The following AGAP1 variants were observed in gnomAD, a reference collection of about 807,000 sequenced individuals.
The protein encoded by AGAP1 is ArfGAP with GTPase domain, ankyrin repeat and PH domain 1, also known as arf-GAP with GTPase, ANK repeat and PH domain-containing protein 1.
Under a neutral mutation model 105.3 loss-of-function variants are expected in AGAP1, and 29 were observed. The ratio of observed to expected loss-of-function variants is 0.28; its 90% CI spans 0.21 to 0.38. The LOEUF (loss-of-function observed/expected upper bound fraction) is 0.38. Among genes scored for constraint, AGAP1 ranks in the 10% least tolerant of loss-of-function variants. The pLI is 1.00. For missense variants in AGAP1, 998 were observed against 1,165.1 expected, an observed-to-expected ratio of 0.86 and a Z score of 2.09; for synonymous variants, 509 against 485.9, an observed-to-expected ratio of 1.05 and a Z score of -0.63.
At chr2:235,763,158 C>A (rs1417542710) in intron 6 of AGAP1, among the ~76,000 whole-genome samples, 1 of 151,986 alleles carries the variant, frequency 6.6e-6, no homozygotes, top group Non-Finnish European at 1.5e-5. Context: ...GTGGAGCATC[C>A]CTAATCTGAA....
At chr2:235,749,044 C>T (rs1953203929) in intron 5 of AGAP1, among the ~76,000 whole-genome samples, 1 of 152,040 alleles carries the variant, frequency 6.6e-6, no homozygotes, top group South Asian at 2.1e-4. Context: ...CCCGTGTCGA[C>T]TAAAAATACA....
In AGAP1 at chr2:235,739,694, G is replaced by A. The variant is rs554965908; in HGVS notation, c.311-1269G>A. On this transcript the variant is annotated intron_variant, in intron 3 of 17. Coordinates refer to ENST00000304032, the MANE Select transcript of AGAP1 (RefSeq NM_001037131.3). The surrounding 1 kb of genome is among the most constrained non-coding windows in gnomAD (Gnocchi z 5.3). The stretch of plus-strand genomic sequence containing the variant: ...GCATGGCAGGAGCTCGCGGGAACGG[G>A]CCAACGCCCCACTGCCCCAGTCAGC... Among the ~76,000 whole-genome samples, 2 of 152,258 alleles carry A rather than the reference G, an allele frequency of 1.3e-5. No homozygotes were observed. Among genetic ancestry groups the A allele is most frequent in the Non-Finnish European group, 2.9e-5 (2 of 68,052 alleles).
chr2:235,687,914 T>TTC (rs1949545132), intron 1 of AGAP1, among the ~76,000 whole-genome samples: 1 of 140,188 alleles, frequency 7.1e-6, no homozygotes, highest in South Asian at 2.3e-4. Context: ...TTTTTTTTTT[T>TTC]TTTTTGAGAT....
Position 235,845,297 on chromosome 2 carries a change from A to T in AGAP1, c.1050+37966A>T. Among the ~76,000 whole-genome samples the T allele has an allele frequency of 6.6e-6, 1 of 152,252 alleles. No individual in the cohort carries two copies. The highest frequency in any genetic ancestry group is 1.9e-4 in the East Asian group (1 of 5,170). ...AGTCTAGAGGCTGAGTCTGTAACTA[A>T]TCCAGCTCAGACCACATGTATGGTG... On this transcript the variant is annotated intron_variant, in intron 9 of 17. Transcript: ENST00000304032. The surrounding 1 kb of genome is among the most constrained non-coding windows in gnomAD (Gnocchi z 4.8).
At chr2:235,828,872 G>A (rs959916300) in intron 9 of AGAP1, among the ~76,000 whole-genome samples, 1 of 152,218 alleles carries the variant, frequency 6.6e-6, no homozygotes, top group African/African-American at 2.4e-5. Flanking sequence ...TGCAATGGAT[G>A]CTCCGAGAAA....
In AGAP1 at chr2:235,786,163, A is replaced by G. The variant is rs1241527075; in HGVS notation, c.674-11596A>G. Among the ~76,000 whole-genome samples the G allele has an allele frequency of 2.0e-5, 3 of 152,206 alleles. No homozygotes were observed. The East Asian group carries it at 5.8e-4, about 29-fold the overall frequency. The stretch of plus-strand genomic sequence containing the variant: ...GATCCTTGCCTGCCATCTAAATTGT[A>G]TTGCCAATTTACTGGGATATTCACT... On this transcript the variant is annotated intron_variant, in intron 6 of 17. Transcript: ENST00000304032.
rs1951186306 is a variant in AGAP1, at chr2:235,717,655, T to C, written c.310+11T>C. ...AGGAGTCTCCGGAAGGTATGCTGTT[T>C]GGCAGGCAGTTGCAAACTTAAGAAT... is the stretch of plus-strand genomic sequence containing the variant. On this transcript the variant is annotated intron_variant, in intron 3 of 17. Transcript: ENST00000304032. 6.3e-7 allele frequency: 1 copy of C among 1,594,386 alleles called. No individual in the cohort carries two copies. The highest frequency in any genetic ancestry group is 1.4e-5 in the African/African-American group (1 of 73,864).
At chr2:235,509,910 CT>C (rs1310715503) in intron 1 of AGAP1, among the ~76,000 whole-genome samples, 2 of 152,126 alleles carry the variant, frequency 1.3e-5, no homozygotes, top group African/African-American at 4.8e-5. Flanking sequence ...GTGTTACCCC[CT>C]GAGCTCCACT....
intron 1 of AGAP1, among the ~76,000 whole-genome samples, chr2:235,679,561 C>T (rs1368199680): frequency 6.6e-6 from 1 of 152,180 alleles, no homozygotes. Context: ...TTGGCTTAAT[C>T]CCCTTCCCAC....
At chr2:236,004,877 A>G (rs949862248) in intron 13 of AGAP1, among the ~76,000 whole-genome samples, 62 of 152,194 alleles carry the variant, frequency 4.1e-4, no homozygotes, top group Admixed American at 3.9e-3. Context: ...TTTTCTCTGT[A>G]TGTACTCCAA....
chr2:236,002,521 G>T lies in AGAP1; in HGVS notation c.1645+33898G>T, dbSNP rs991464312. On this transcript the variant is annotated intron_variant, in intron 13 of 17. Transcript: ENST00000304032. The surrounding 1 kb of genome is among the most constrained non-coding windows in gnomAD (Gnocchi z 4.3). ...AACAAATATGTTAACAAGTAATGTTGCTCCCTCTCATGAGGGGGTCACTGG... is the reference window on the plus strand; with the variant it reads ...AACAAATATGTTAACAAGTAATGTTTCTCCCTCTCATGAGGGGGTCACTGG... 5.7e-4 allele frequency among the ~76,000 whole-genome samples: 87 copies of T among 152,172 alleles called. 2 individuals are homozygous for T. Among genetic ancestry groups the T allele is most frequent in the Non-Finnish European group, 5.9e-5 (4 of 68,034 alleles).
intron 2 of AGAP1, among the ~76,000 whole-genome samples, chr2:235,715,085 C>G (rs1428738304): frequency 6.6e-6 from 1 of 152,230 alleles, no homozygotes; most frequent in Non-Finnish European, 1.5e-5. Flanking sequence ...GCGTGAGCCA[C>G]CGTGCCCAGC....
chr2:235,702,639 G>A (rs1215389481), intron 1 of AGAP1, among the ~76,000 whole-genome samples: 5 of 152,168 alleles, frequency 3.3e-5, no homozygotes, highest in Non-Finnish European at 7.3e-5. Context: ...ATATCACATG[G>A]ATGACTTTTT....
rs772255429 is a variant in AGAP1 at position 236,123,926 on chromosome 2, T to C, written c.2378T>C (p.Val793Ala). 2 of 1,612,148 alleles carry C rather than the reference T, an allele frequency of 1.2e-6. No homozygotes were observed. The highest frequency in any genetic ancestry group is 2.2e-5 in the South Asian group (2 of 90,958). The change falls in exon 18 of 18, where the codon GTG (valine) becomes GCG (alanine). Residue 793 changes from valine (V) to alanine (A), a missense_variant. Transcript: ENST00000304032. The surrounding 1 kb of genome is among the most constrained non-coding windows in gnomAD (Gnocchi z 4.6). Reference protein sequence around the residue: ...VLAQLLIWYGVDVTARDAHGN... With the variant: ...VLAQLLIWYGADVTARDAHGN... ...GCTCCCTTACCTCCGCAGTACGGAG[T>C]GGACGTCACGGCCCGAGATGCCCAC...
At chr2:236,106,029 C>T (rs917474375) in intron 16 of AGAP1, among the ~76,000 whole-genome samples, 1 of 152,200 alleles carries the variant, frequency 6.6e-6, no homozygotes, top group Non-Finnish European at 1.5e-5. Flanking sequence ...ACTGACTTTC[C>T]GGAGCACACA....
At chr2:235,825,956 C>G (rs1002028864) in intron 9 of AGAP1, among the ~76,000 whole-genome samples, 2 of 152,020 alleles carry the variant, frequency 1.3e-5, no homozygotes, top group African/African-American at 2.4e-5. Context: ...TGTATCAAAA[C>G]ATCTCATGTG....
rs1209696673 is a variant in AGAP1, at chr2:236,012,052, C to G, written c.1646-24509C>G. Among the ~76,000 whole-genome samples the G allele has an allele frequency of 6.6e-6, 1 of 152,124 alleles. No individual in the cohort carries two copies. The highest frequency in any genetic ancestry group is 1.5e-5 in the Non-Finnish European group (1 of 68,022). On this transcript the variant is annotated intron_variant, in intron 13 of 17. Transcript: ENST00000304032. The surrounding 1 kb of genome is among the most constrained non-coding windows in gnomAD (Gnocchi z 4.9). ...CAATCAATGCCCCCGGAGACCGATGCACATATCAGGACCTTGGTATCAGCT... is the reference window on the plus strand; with the variant it reads ...CAATCAATGCCCCCGGAGACCGATGGACATATCAGGACCTTGGTATCAGCT...
Position 235,734,641 on chromosome 2 carries a change from T to A in AGAP1, c.311-6322T>A, listed in dbSNP as rs1952140857. Among the ~76,000 whole-genome samples, 1 of 152,064 alleles carries A rather than the reference T, an allele frequency of 6.6e-6. No individual in the cohort carries two copies. Among genetic ancestry groups the A allele is most frequent in the South Asian group, 2.1e-4 (1 of 4,818 alleles). ...CTTTTTAGTTTCCTAAGCACAGTGA[T>A]GATTATTGGAGCTAAAGACAGAGGC... On this transcript the variant is annotated intron_variant, in intron 3 of 17. Coordinates refer to ENST00000304032, the MANE Select transcript of AGAP1 (RefSeq NM_001037131.3). The surrounding 1 kb of genome is among the most constrained non-coding windows in gnomAD (Gnocchi z 5.3).
At chr2:235,702,934 G>GTTGTTTTTTTTTTTTTTTTTTTTTTT (rs1950325980) in intron 1 of AGAP1, among the ~76,000 whole-genome samples, 4 of 88,946 alleles carry the variant, frequency 4.5e-5, no homozygotes, top group Non-Finnish European at 6.6e-5. Context: ...AGTTTTCTTG[G>GTTGTTTTTTTTTTTTTTTTTTTTTTT]TTTTTTTTTT....
Sources: allele counts gnomAD v4.1 joint callset (sites outside exome capture counted in the v4.1 genomes callset), GRCh38; gene constraint gnomAD v4.1.1; non-coding constraint Gnocchi (gnomAD v3.1); transcripts MANE v1.5; gene names NCBI Gene and HGNC (gene_info 2026-07-23, HGNC 2026-07-21).